Variants in MTF1 observed in about 807,000 individuals in gnomAD.
The protein encoded by MTF1 is metal regulatory transcription factor 1.
Under a neutral mutation model 70.4 loss-of-function variants are expected in MTF1, and 22 were observed. That is an observed-to-expected ratio of 0.31 (90% CI 0.22 to 0.45). MTF1 has a LOEUF of 0.45. Ranked by LOEUF, MTF1 falls within the 20% of genes least tolerant of loss-of-function variation. The pLI, the probability that MTF1 is intolerant of heterozygous loss-of-function variation, is 1.00. For synonymous variants in MTF1, 333 were observed against 352.8 expected, an observed-to-expected ratio of 0.94 and a Z score of 0.63; for missense variants, 649 against 922.0, an observed-to-expected ratio of 0.70 and a Z score of 3.83.
rs1640807666 is a variant in MTF1, at chr1:37,815,575, G to A, written c.1832-9C>T. 2 of 1,519,990 alleles carry A rather than the reference G, an allele frequency of 1.3e-6. No homozygotes were observed. The highest frequency in any genetic ancestry group is 2.2e-5 in the Admixed American group (1 of 44,452). 94.2% of individuals were successfully genotyped at this position (1,519,990 alleles called of 1,614,324 possible). A position where few individuals can be genotyped will look rare whatever the true frequency, so the allele number is the denominator to read the frequency against. On this transcript the variant is annotated splice_polypyrimidine_tract_variant and intron_variant, in intron 10 of 10. Coordinates refer to ENST00000373036, the MANE Select transcript of MTF1 (RefSeq NM_005955.3). The surrounding 1 kb of genome is among the most constrained non-coding windows in gnomAD (Gnocchi z 4.5). ...CTGCTGGACAGAGCTCCCTGCGAGA[G>A]AGGCAAGAGAGACTGCTCTTCAAGT... is the stretch of plus-strand genomic sequence containing the variant.
rs1276377209 is a variant in MTF1, at chr1:37,857,360, G to C, written c.299C>G (p.Pro100Arg). The C allele has an allele frequency of 2.5e-6, 4 of 1,614,144 alleles. No individual in the cohort carries two copies. The highest frequency in any genetic ancestry group is 1.6e-4 in the Middle Eastern group (1 of 6,062). ...GTTTATTGTCAAATGAATCTGATCT[G>C]GTGAGATAATGTGCTGCACATAACC... ...SQGYVQHIIS[P>R]DQIHLTINPG... Residue 100 changes from proline (P) to arginine (R), a missense_variant, in exon 2 of 11, where the codon CCA becomes CGA. Coordinates refer to ENST00000373036, the MANE Select transcript of MTF1 (RefSeq NM_005955.3).
At chr1:37,834,228 A>G (rs991762673) in intron 6 of MTF1, among the ~76,000 whole-genome samples, 1 of 152,122 alleles carries the variant, frequency 6.6e-6, no homozygotes. Context: ...AAATGAAATA[A>G]AACAAAAATA....
At chr1:37,849,487 A>G (rs2148420529) in intron 2 of MTF1, among the ~76,000 whole-genome samples, 1 of 152,216 alleles carries the variant, frequency 6.6e-6, no homozygotes, top group African/African-American at 2.4e-5. Context: ...TACCTTTCCT[A>G]ATCAATGTGC....
chr1:37,848,997 A>G (rs144115783), intron 2 of MTF1, among the ~76,000 whole-genome samples: 1 of 152,332 alleles, frequency 6.6e-6, no homozygotes, highest in African/African-American at 2.4e-5. Context: ...AAAAGGCTCC[A>G]AAACACTGGA....
At chr1:37,846,656 A>G (rs982764853) in intron 2 of MTF1, among the ~76,000 whole-genome samples, 1 of 152,236 alleles carries the variant, frequency 6.6e-6, no homozygotes, top group Admixed American at 6.5e-5. Context: ...CCTTGTTAAG[A>G]TAACAGAATC....
At chr1:37,834,196 G>C (rs1641129385) in intron 6 of MTF1, among the ~76,000 whole-genome samples, 1 of 152,174 alleles carries the variant, frequency 6.6e-6, no homozygotes, top group Non-Finnish European at 1.5e-5. Flanking sequence ...CTACAGGACA[G>C]AGCAAGACCC....
chr1:37,815,337 T>C lies in MTF1; in HGVS notation c.2061A>G (p.Ser687=), dbSNP rs772651372. 1.9e-6 allele frequency: 3 copies of C among 1,613,950 alleles called. No homozygotes were observed. The highest frequency in any genetic ancestry group is 1.1e-5 in the South Asian group (1 of 91,076). ...CACAGGAGGAGGGCAAGGTAGAGGA[T>C]GATGACCCGGGAACAGGGGCTGAAG... The part of the protein sequence containing the change: ...TFSSAPVPGS[S]SSTLPSSCEQ... Residue 687 remains serine, a synonymous_variant, in exon 11 of 11, where the codon TCA becomes TCG. Coordinates refer to ENST00000373036, the MANE Select transcript of MTF1 (RefSeq NM_005955.3). The surrounding 1 kb of genome is among the most constrained non-coding windows in gnomAD (Gnocchi z 4.5).
intron 10 of MTF1, among the ~76,000 whole-genome samples, chr1:37,817,022 A>G (rs946823339): frequency 6.6e-6 from 1 of 152,200 alleles, no homozygotes; most frequent in African/African-American, 2.4e-5. Context: ...AAAGAATTTG[A>G]ATAAAAGGAA....
rs527877859 is a variant in MTF1, at chr1:37,815,618, C to A, written c.1832-52G>T. 87 of 1,398,480 alleles carry A rather than the reference C, an allele frequency of 6.2e-5. No homozygotes were observed. Among genetic ancestry groups the A allele is most frequent in the Non-Finnish European group, 7.7e-5 (79 of 1,027,890 alleles). 86.6% of individuals were successfully genotyped at this position (1,398,480 alleles called of 1,614,324 possible). A position where few individuals can be genotyped will look rare whatever the true frequency, so the allele number is the denominator to read the frequency against. Reference sequence around the variant, plus strand: ...CTTCAAGTAGCTGCAGGGGCAGGAGCATGAGGGACAGGGATACATGGACTA... The same window carrying A: ...CTTCAAGTAGCTGCAGGGGCAGGAGAATGAGGGACAGGGATACATGGACTA... On this transcript the variant is annotated intron_variant, in intron 10 of 10. Transcript: ENST00000373036. The surrounding 1 kb of genome is among the most constrained non-coding windows in gnomAD (Gnocchi z 4.5).
chr1:37,826,613 T>G (rs751403741), intron 7 of MTF1: 1 of 437,042 alleles, frequency 2.3e-6, no homozygotes, highest in South Asian at 1.7e-5. Context: ...GGAGGGGAAA[T>G]TCAGTGATTC....
intron 2 of MTF1, among the ~76,000 whole-genome samples, chr1:37,848,333 A>T (rs916447457): frequency 2.0e-5 from 3 of 152,228 alleles, no homozygotes; most frequent in Admixed American, 1.3e-4. Context: ...ATGCAATGGG[A>T]TATTTCTATT....
intron 1 of MTF1, among the ~76,000 whole-genome samples, chr1:37,858,015 TAAAAAA>T (rs71053997): frequency 8.1e-6 from 1 of 124,044 alleles, no homozygotes; most frequent in South Asian, 2.4e-4. Context: ...CCATCTCTAA[TAAAAAA>T]AAAAAAAAAA....
At chr1:37,835,781 G>C (rs1459807413) in intron 4 of MTF1, 37 bp from the exon 5 acceptor site, 1 of 1,525,722 alleles carries the variant, frequency 6.6e-7, no homozygotes, top group Non-Finnish European at 9.1e-7. Flanking sequence ...GGAGTCATTA[G>C]CTAATAGATC....
intron 2 of MTF1, among the ~76,000 whole-genome samples, chr1:37,850,331 C>T (rs962050562): frequency 4.6e-5 from 7 of 150,596 alleles, no homozygotes; most frequent in Non-Finnish European, 8.8e-5. Flanking sequence ...AGTGCCATGG[C>T]TCATGCCTAT....
intron 4 of MTF1, among the ~76,000 whole-genome samples, chr1:37,836,953 G>A (rs1457528812): frequency 4.0e-5 from 6 of 149,512 alleles, no homozygotes; most frequent in Non-Finnish European, 8.9e-5. Context: ...GGGCGGCGGG[G>A]AATAACCTAA....
intron 10 of MTF1, among the ~76,000 whole-genome samples, 165 bp downstream of exon 10, chr1:37,817,254 T>C (rs1178551888): frequency 6.6e-6 from 1 of 152,194 alleles, no homozygotes; most frequent in Non-Finnish European, 1.5e-5. Flanking sequence ...CTTCTAATAG[T>C]TGTGAGAATA....
Position 37,810,552 on chromosome 1 carries a change from C to T in MTF1, c.*4584G>A, listed in dbSNP as rs1640704896. On this transcript the variant is annotated 3_prime_UTR_variant, in exon 11 of 11. Transcript: ENST00000373036. ...AGAAGAAATACAGGACTGTTTCCCT[C>T]TCTCCCTAAAAAACATGCAAGAGGA... The T allele has an allele frequency of 6.6e-6, 1 of 152,188 alleles. No individual in the cohort carries two copies. Among genetic ancestry groups the T allele is most frequent in the Non-Finnish European group, 1.5e-5 (1 of 68,036 alleles). The allele number at this position is 152,188 out of a possible 1,614,324, so 9.4% of individuals were successfully genotyped here.
chr1:37,842,669 A>C (rs1406720203), intron 2 of MTF1, among the ~76,000 whole-genome samples: 1 of 152,220 alleles, frequency 6.6e-6, no homozygotes, highest in Non-Finnish European at 1.5e-5. Context: ...GCGGTAGAAG[A>C]AGCACTAGAC....
Position 37,835,245 on chromosome 1 carries a change from A to G in MTF1, c.854-30T>C, listed in dbSNP as rs1471641410. 7 of 1,599,056 alleles carry G rather than the reference A, an allele frequency of 4.4e-6. No individual in the cohort carries two copies. In the African/African-American group the frequency reaches 9.4e-5, roughly 21 times the overall value. Reference sequence around the variant, plus strand: ...AAGAATAACAAAGTAGTGTTAATTTACCATAAAGTCATTTCACTGGATTAA... The same window carrying G: ...AAGAATAACAAAGTAGTGTTAATTTGCCATAAAGTCATTTCACTGGATTAA... On this transcript the variant is annotated intron_variant, in intron 5 of 10. Transcript: ENST00000373036.
Sources: gnomAD v4.1 joint callset for allele counts (sites outside exome capture counted in the v4.1 genomes callset) on GRCh38, gnomAD v4.1.1 for gene constraint, Gnocchi (gnomAD v3.1) non-coding constraint, MANE v1.5 for transcripts, NCBI Gene and HGNC (gene_info 2026-07-23, HGNC 2026-07-21) for gene names.